Variants in NFAT5 observed in about 807,000 individuals in gnomAD.
The protein encoded by NFAT5 is nuclear factor of activated T-cells 5.
Under a neutral mutation model 166.5 loss-of-function variants are expected in NFAT5, and 31 were observed. That is an observed-to-expected ratio of 0.19 (90% CI 0.14 to 0.25). NFAT5 has a LOEUF of 0.25. Among genes scored for constraint, NFAT5 ranks in the 10% least tolerant of loss-of-function variants. The pLI is 1.00. For missense variants in NFAT5, 1,449 were observed against 1,821.8 expected, an observed-to-expected ratio of 0.80 and a Z score of 3.72; for synonymous variants, 612 against 639.7, an observed-to-expected ratio of 0.96 and a Z score of 0.65.
Position 69,648,692 on chromosome 16 carries a change from G to A in NFAT5, c.812+1106G>A, listed in dbSNP as rs531328052. ...TGCTAGACTTTTAAATTAGATTTTT[G>A]TATAGTACATTCAAAATAATTTGTT... On this transcript the variant is annotated intron_variant, in intron 4 of 14. Coordinates refer to ENST00000349945, the MANE Select transcript of NFAT5 (RefSeq NM_138713.4). The A allele has an allele frequency of 2.1e-5, 20 of 966,944 alleles. No individual in the cohort carries two copies. In the East Asian group the frequency reaches 1.5e-3, roughly 72 times the overall value. The allele number at this position is 966,944 out of a possible 1,614,324, so 59.9% of individuals were successfully genotyped here.
intron 2 of NFAT5, among the ~76,000 whole-genome samples, chr16:69,587,741 A>G (rs1342075011): frequency 6.6e-6 from 1 of 152,090 alleles, no homozygotes; most frequent in Non-Finnish European, 1.5e-5. Context: ...ATTTGAAAGA[A>G]TAATATTAGA....
At chr16:69,607,679 TCTTC>T (rs2033487305) in intron 2 of NFAT5, among the ~76,000 whole-genome samples, 1 of 152,228 alleles carries the variant, frequency 6.6e-6, no homozygotes, top group African/African-American at 2.4e-5. Flanking sequence ...AACTGAATTC[TCTTC>T]TAGAGCACAT....
chr16:69,667,078 A>T (rs1225841367), intron 7 of NFAT5, among the ~76,000 whole-genome samples: 8 of 150,944 alleles, frequency 5.3e-5, no homozygotes, highest in African/African-American at 9.7e-5. Flanking sequence ...AAGAACAAAA[A>T]ACCAAACACT....
chr16:69,629,459 A>G (rs1053365650), intron 3 of NFAT5, among the ~76,000 whole-genome samples: 21 of 152,248 alleles, frequency 1.4e-4, no homozygotes, highest in East Asian at 9.7e-4. Context: ...TACACAATTC[A>G]TACTTTTATG....
chr16:69,633,698 G>A (rs2034820966), intron 3 of NFAT5, among the ~76,000 whole-genome samples: 2 of 152,088 alleles, frequency 1.3e-5, no homozygotes, highest in Non-Finnish European at 2.9e-5. Flanking sequence ...AGGAAGGAAG[G>A]GATAGGGAGA....
At chr16:69,607,329 G>A (rs566528336) in intron 2 of NFAT5, among the ~76,000 whole-genome samples, 66 of 152,232 alleles carry the variant, frequency 4.3e-4, no homozygotes, top group African/African-American at 1.5e-3. Flanking sequence ...TTTGTATAAT[G>A]GTTGTAGACT....
chr16:69,689,101 C>T (rs754438277), intron 11 of NFAT5, among the ~76,000 whole-genome samples: 2 of 152,044 alleles, frequency 1.3e-5, no homozygotes, highest in Non-Finnish European at 2.9e-5. Context: ...TAACGAGACT[C>T]TTGTCTCTAC....
chr16:69,588,372 G>A (rs938590356), intron 2 of NFAT5, among the ~76,000 whole-genome samples: 1 of 152,210 alleles, frequency 6.6e-6, no homozygotes, highest in African/African-American at 2.4e-5. Context: ...GACAAGGTCT[G>A]TAATCAGGGT....
In NFAT5 at chr16:69,566,395, TGGGGCGTGGGGGC is replaced by T. The variant is rs1361916726; in HGVS notation, c.73+26_73+38del. 3.7e-6 allele frequency: 2 copies of T among 539,748 alleles called. No homozygotes were observed. Among genetic ancestry groups the T allele is most frequent in the Non-Finnish European group, 3.3e-6 (1 of 303,274 alleles). 33.4% of individuals were successfully genotyped at this position (539,748 alleles called of 1,614,324 possible). A position where few individuals can be genotyped will look rare whatever the true frequency, so the allele number is the denominator to read the frequency against. ...GCGAGGTGAGTCAGGCTGTGGGGGG[TGGGGCGTGGGGGC>T]GGGGAGACAGGGAGACAGGGAGACA... On this transcript the variant is annotated intron_variant, in intron 1 of 14. Transcript: ENST00000349945. This position sits in a 1 kb window ranked among gnomAD's most constrained non-coding sequence, Gnocchi z 5.7.
At position 69,647,942 on chromosome 16, in the gene NFAT5, C is replaced by T. The variant is rs1249705908; in HGVS notation, c.812+356C>T. On this transcript the variant is annotated intron_variant, in intron 4 of 14. Coordinates refer to ENST00000349945, the MANE Select transcript of NFAT5 (RefSeq NM_138713.4). This position sits in a 1 kb window ranked among gnomAD's most constrained non-coding sequence, Gnocchi z 4.8. ...ATCCCAGCACTTTGGGAGGCCGAGG[C>T]GGGCGGATCACCTGAGGTCAGGAGT... Among the ~76,000 whole-genome samples, 11 of 151,820 alleles carry T rather than the reference C, an allele frequency of 7.2e-5. No individual in the cohort carries two copies. Among genetic ancestry groups the T allele is most frequent in the East Asian group, 3.9e-4 (2 of 5,190 alleles).
chr16:69,661,508 C>T (rs2036137637), intron 7 of NFAT5, among the ~76,000 whole-genome samples: 1 of 124,220 alleles, frequency 8.1e-6, no homozygotes, highest in Non-Finnish European at 1.6e-5. Context: ...CACACCACTG[C>T]ACTCCAGCCT....
At chr16:69,677,116 T>C in intron 9 of NFAT5, 87 bp from the exon 10 acceptor site, 5 of 1,297,902 alleles carry the variant, frequency 3.9e-6, no homozygotes, top group Non-Finnish European at 5.3e-6. Context: ...TTTTAAACTT[T>C]ACAGCTAACA....
At chr16:69,616,940 CTTTTTTT>C (rs61025944) in intron 2 of NFAT5, among the ~76,000 whole-genome samples, 2 of 129,944 alleles carry the variant, frequency 1.5e-5, no homozygotes, top group Admixed American at 1.6e-4. Flanking sequence ...GTCCAAAGTT[CTTTTTTT>C]TTTTTTTTTT....
At chr16:69,632,218 C>T (rs1458656613) in intron 3 of NFAT5, 1 of 152,146 alleles carries the variant, frequency 6.6e-6, no homozygotes, top group East Asian at 1.9e-4. Context: ...AAATATGTTA[C>T]TCCTCCTGTA....
chr16:69,639,563 T>A (rs907353121), intron 3 of NFAT5, among the ~76,000 whole-genome samples: 1 of 152,166 alleles, frequency 6.6e-6, no homozygotes, highest in Non-Finnish European at 1.5e-5. Flanking sequence ...GCTCATTATT[T>A]TTTTTAAAAA....
chr16:69,651,600 G>C lies in NFAT5; in HGVS notation c.813-1636G>C, dbSNP rs778884071. Among the ~76,000 whole-genome samples the C allele has an allele frequency of 2.6e-4, 39 of 152,032 alleles. 1 individual carries two copies. The highest frequency in any genetic ancestry group is 2.4e-3 in the Admixed American group (36 of 15,258). Reference sequence around the variant, plus strand: ...CATCTGGCTCCTGGATCTTTGATGTGAGTCAAAACTTAGGACTAGGAGGGT... The same window carrying C: ...CATCTGGCTCCTGGATCTTTGATGTCAGTCAAAACTTAGGACTAGGAGGGT... On this transcript the variant is annotated intron_variant, in intron 4 of 14. Transcript: ENST00000349945.
chr16:69,589,641 G>C (rs2032335010), intron 2 of NFAT5, among the ~76,000 whole-genome samples: 1 of 152,140 alleles, frequency 6.6e-6, no homozygotes, highest in Non-Finnish European at 1.5e-5. Context: ...TCAGGTTGCA[G>C]TGTCTACCTC....
chr16:69,631,195 G>A (rs2034699930), intron 3 of NFAT5, among the ~76,000 whole-genome samples: 2 of 152,152 alleles, frequency 1.3e-5, no homozygotes, highest in Non-Finnish European at 2.9e-5. Flanking sequence ...CACTTTGGGA[G>A]GCCGAGGTGG....
intron 3 of NFAT5, among the ~76,000 whole-genome samples, chr16:69,634,035 T>TA (rs1555525339): frequency 6.6e-6 from 1 of 151,780 alleles, no homozygotes; most frequent in African/African-American, 2.4e-5. Flanking sequence ...CCCAGCACTT[T>TA]GGGGGGCCGA....
Sources: allele counts gnomAD v4.1 joint callset (sites outside exome capture counted in the v4.1 genomes callset), GRCh38; gene constraint gnomAD v4.1.1; non-coding constraint Gnocchi (gnomAD v3.1); transcripts MANE v1.5; gene names NCBI Gene and HGNC (gene_info 2026-07-23, HGNC 2026-07-21).